C7: variants seen among roughly 807,000 people sequenced by gnomAD.
C7 encodes complement C7, also known as complement component C7.
A neutral mutation model predicts 104.8 loss-of-function variants in C7; 83 were observed. That is an observed-to-expected ratio of 0.79 (90% CI 0.66 to 0.95). The LOEUF (loss-of-function observed/expected upper bound fraction) is 0.95. Ranked by LOEUF, C7 falls within the 40% of genes least tolerant of loss-of-function variation. C7 has a pLI of 0.00. For synonymous variants in C7, 415 were observed against 360.6 expected (o/e 1.15, Z -1.71); for missense variants, 1,070 against 1,011.2 (o/e 1.06, Z -0.79).
At chr5:40,938,334 C>T (rs1465493186) in intron 6 of C7, among the ~76,000 whole-genome samples, 1 of 151,822 alleles carries the variant, frequency 6.6e-6, no homozygotes, top group Non-Finnish European at 1.5e-5. Flanking sequence ...TTAGTTTTGC[C>T]TATTTTTTCC....
intron 14 of C7, among the ~76,000 whole-genome samples, chr5:40,968,675 A>G (rs4605838): frequency 0.78 from 107,991 of 137,794 alleles, 42,105 homozygotes; most frequent in South Asian, 0.93. Context: ...GCAGTGGTGC[A>G]ATCTTGGCTC....
intron 4 of C7, among the ~76,000 whole-genome samples, chr5:40,935,116 A>T (rs1334681241): frequency 2.0e-5 from 3 of 152,214 alleles, no homozygotes; most frequent in Non-Finnish European, 4.4e-5. Flanking sequence ...AGTGCTCCTC[A>T]GTGATACCTG....
chr5:40,950,739 G>T (rs144977201), intron 9 of C7, among the ~76,000 whole-genome samples: 2 of 152,208 alleles, frequency 1.3e-5, no homozygotes, highest in East Asian at 3.9e-4. Flanking sequence ...ATGATGATTG[G>T]CAAACAAGCC....
intron 10 of C7, among the ~76,000 whole-genome samples, chr5:40,957,253 A>G (rs1481502417): frequency 1.3e-5 from 2 of 152,212 alleles, no homozygotes; most frequent in African/African-American, 4.8e-5. Context: ...CTGAGTCAGC[A>G]CATCTGTGAT....
intron 14 of C7, among the ~76,000 whole-genome samples, chr5:40,965,918 T>C (rs1418188435): frequency 1.3e-5 from 2 of 151,942 alleles, no homozygotes; most frequent in East Asian, 3.9e-4. Flanking sequence ...GCTAGGATTA[T>C]AGGTGCGAGC....
At chr5:40,980,114 C>T in intron 17 of C7, 2 of 395,844 alleles carry the variant, frequency 5.1e-6, no homozygotes, top group Non-Finnish European at 4.4e-6. Flanking sequence ...ATAAGATTCC[C>T]ACATTCCTGA....
chr5:40,919,840 C>T (rs1739403162), intron 1 of C7, among the ~76,000 whole-genome samples: 1 of 151,632 alleles, frequency 6.6e-6, no homozygotes, highest in South Asian at 2.1e-4. Flanking sequence ...ACAGCAAAAA[C>T]AGTTCAAAGA....
chr5:40,963,696 G>C (rs1740469427), intron 13 of C7, among the ~76,000 whole-genome samples: 1 of 152,144 alleles, frequency 6.6e-6, no homozygotes, highest in South Asian at 2.1e-4. Flanking sequence ...AGGAAAGAGA[G>C]ACCCTAAATG....
intron 14 of C7, among the ~76,000 whole-genome samples, chr5:40,971,437 G>C (rs1455555627): frequency 2.0e-5 from 3 of 152,182 alleles, no homozygotes; most frequent in Non-Finnish European, 2.9e-5. Context: ...GGGGTTGCTT[G>C]TTTTTCTGTT....
At chr5:40,962,236 A>G (rs1740437399) in intron 13 of C7, 64 bp downstream of exon 13, 1 of 968,238 alleles carries the variant, frequency 1.0e-6, no homozygotes. Flanking sequence ...TGCTGAGCCC[A>G]TAACCTATTT....
chr5:40,968,573 TATATA>T, intron 14 of C7, among the ~76,000 whole-genome samples: 1 of 54,594 alleles, frequency 1.8e-5, no homozygotes, highest in South Asian at 6.7e-4. Context: ...ATATTTTATA[TATATA>T]TATATATATA....
rs188086698 is a variant in C7, at chr5:40,963,342, C to T, written c.1749+1170C>T. Among the ~76,000 whole-genome samples, 365 of 152,288 alleles carry T rather than the reference C, an allele frequency of 2.4e-3. 1 individual carries two copies. The highest frequency in any genetic ancestry group is 8.1e-3 in the South Asian group (39 of 4,828). On this transcript the variant is annotated intron_variant, in intron 13 of 17. Coordinates refer to ENST00000313164, the MANE Select transcript of C7 (RefSeq NM_000587.4). ...AATTTCTACAAGTGATTATGATATA[C>T]AGCCGCATTTGTGCACTGTTGAATC... is the stretch of plus-strand genomic sequence containing the variant.
chr5:40,945,904 ATATATG>A (rs1238741375), intron 7 of C7, among the ~76,000 whole-genome samples: 1 of 130,146 alleles, frequency 7.7e-6, no homozygotes, highest in Non-Finnish European at 1.7e-5. Flanking sequence ...ATATATATAT[ATATATG>A]TATATTTAGT....
chr5:40,959,675 T>C, intron 12 of C7, 55 bp downstream of exon 12: 1 of 1,332,214 alleles, frequency 7.5e-7, no homozygotes, highest in Non-Finnish European at 1.0e-6. Context: ...CCTCTGCAGT[T>C]AGCATGGAAC....
intron 9 of C7, among the ~76,000 whole-genome samples, chr5:40,953,112 G>A (rs1185937467): frequency 6.6e-6 from 1 of 152,082 alleles, no homozygotes; most frequent in African/African-American, 2.4e-5. Flanking sequence ...ATTAAAAAGT[G>A]TTACTGTATA....
intron 3 of C7, among the ~76,000 whole-genome samples, chr5:40,933,939 T>C (rs1739748807): frequency 8.5e-6 from 1 of 117,914 alleles, no homozygotes. Flanking sequence ...TTTTTTCTTT[T>C]CTTTTTTTTT....
intron 1 of C7, among the ~76,000 whole-genome samples, chr5:40,927,177 G>T (rs928850047): frequency 2.6e-5 from 4 of 151,996 alleles, no homozygotes; most frequent in Non-Finnish European, 4.4e-5. Flanking sequence ...AAATGGTATT[G>T]GGAAAACTGG....
At chr5:40,922,696 CA>C (rs780972661) in intron 1 of C7, among the ~76,000 whole-genome samples, 238 of 113,866 alleles carry the variant, frequency 2.1e-3, no homozygotes, top group Middle Eastern at 0.011. Context: ...GTGAGACTGT[CA>C]AAAAAAAAAA....
rs1189785122 is a variant in C7, at chr5:40,937,618, T to G, written c.495T>G (p.Cys165Trp). ...ATACCAAAAGTTTTGGTGGTCAATG[T>G]AGAAAGGTGTTTAGTGGGGATGGAA... ...VINTKSFGGQ[C>W]RKVFSGDGKD... Residue 165 changes from cysteine (C) to tryptophan (W), a missense_variant, in exon 6 of 18, where the codon TGT (cysteine) becomes TGG (tryptophan). Physicochemically the swap from Cys to Trp is radical, Grantham distance 215. Transcript: ENST00000313164. The G allele has an allele frequency of 6.2e-7, 1 of 1,612,694 alleles. No individual in the cohort carries two copies. Among genetic ancestry groups the G allele is most frequent in the Admixed American group, 1.7e-5 (1 of 59,876 alleles).
Sources: gnomAD v4.1 joint callset for allele counts (sites outside exome capture counted in the v4.1 genomes callset) on GRCh38, gnomAD v4.1.1 for gene constraint, MANE v1.5 for transcripts, NCBI Gene and HGNC (gene_info 2026-07-23, HGNC 2026-07-21) for gene names.